PPP2R1A: variants seen among roughly 807,000 people sequenced by gnomAD.
The protein encoded by PPP2R1A is serine/threonine-protein phosphatase 2A 65 kDa regulatory subunit A alpha isoform.
PPP2R1A carries 15 observed loss-of-function variants against 67.1 expected under a neutral mutation model. That is an observed-to-expected ratio of 0.22 (90% confidence interval 0.15 to 0.34). PPP2R1A has a LOEUF of 0.34. Among genes scored for constraint, PPP2R1A ranks in the 10% least tolerant of loss-of-function variants. PPP2R1A has a pLI of 1.00. For synonymous variants in PPP2R1A, 337 were observed against 325.0 expected, an observed-to-expected ratio of 1.04 and a Z score of -0.40; for missense variants, 369 against 775.0, an observed-to-expected ratio of 0.48 and a Z score of 6.22.
At chr19:52,210,966 A>G (rs757915187) in intron 3 of PPP2R1A, among the ~76,000 whole-genome samples, 1 of 152,144 alleles carries the variant, frequency 6.6e-6, no homozygotes, top group Non-Finnish European at 1.5e-5. Context: ...TCAGAAAGCA[A>G]CGTGTGTAAT....
intron 1 of PPP2R1A, among the ~76,000 whole-genome samples, chr19:52,196,215 G>A (rs777872736): frequency 2.0e-5 from 3 of 152,182 alleles, no homozygotes; most frequent in Non-Finnish European, 4.4e-5. Flanking sequence ...GATATGACAT[G>A]ATCAATGGCC....
intron 13 of PPP2R1A, among the ~76,000 whole-genome samples, chr19:52,225,048 G>A (rs549726336): frequency 4.3e-5 from 5 of 116,982 alleles, no homozygotes; most frequent in East Asian, 4.8e-4. Context: ...ACGGAGTTTC[G>A]CTCTTGTTGC....
intron 3 of PPP2R1A, among the ~76,000 whole-genome samples, chr19:52,206,988 G>A (rs1040528056): frequency 6.6e-6 from 1 of 152,184 alleles, no homozygotes; most frequent in Non-Finnish European, 1.5e-5. Context: ...AAAGAATGGT[G>A]CTTATCATTG....
In PPP2R1A at chr19:52,216,622, G is replaced by A. The variant is rs751218909; in HGVS notation, c.1087G>A (p.Glu363Lys). The A allele has an allele frequency of 1.2e-6, 2 of 1,614,124 alleles. No homozygotes were observed. Among genetic ancestry groups the A allele is most frequent in the Non-Finnish European group, 1.7e-6 (2 of 1,180,034 alleles). ...CATCTTGGGCAAAGACAACACCATC[G>A]AGCACCTCTTGCCCCTCTTCCTGGC... ...SPILGKDNTI[E>K]HLLPLFLAQL... The change falls in exon 9 of 15, where the codon GAG becomes AAG. Residue 363 changes from glutamate to lysine, a missense_variant. Glu to Lys is a moderately conservative substitution (Grantham distance 56). Transcript: ENST00000322088. This position sits in a 1 kb window ranked among gnomAD's most constrained non-coding sequence, Gnocchi z 4.3.
At chr19:52,217,186 T>C (rs746466943) in intron 9 of PPP2R1A, among the ~76,000 whole-genome samples, 1 of 151,828 alleles carries the variant, frequency 6.6e-6, no homozygotes, top group Non-Finnish European at 1.5e-5. Context: ...CAAGACTCTG[T>C]CTCAAAAAAA....
chr19:52,209,121 A>G (rs1334915161), intron 3 of PPP2R1A, among the ~76,000 whole-genome samples: 1 of 152,206 alleles, frequency 6.6e-6, no homozygotes, highest in Non-Finnish European at 1.5e-5. Context: ...TCATCCTTTG[A>G]GAACTACTTC....
At chr19:52,217,018 C>T (rs185871607) in intron 9 of PPP2R1A, among the ~76,000 whole-genome samples, 13 of 152,180 alleles carry the variant, frequency 8.5e-5, no homozygotes, top group Middle Eastern at 3.4e-3. Flanking sequence ...GATGAAACCT[C>T]GTGTCTGCTA....
intron 1 of PPP2R1A, among the ~76,000 whole-genome samples, chr19:52,190,733 C>A (rs1156752733): frequency 1.3e-5 from 2 of 152,190 alleles, no homozygotes; most frequent in Admixed American, 6.5e-5. Flanking sequence ...AACACCCCCC[C>A]ACCAAAGGTG....
intron 13 of PPP2R1A, 119 bp from the exon 14 acceptor site, chr19:52,225,597 AC>A: frequency 2.5e-6 from 2 of 814,646 alleles, no homozygotes; most frequent in East Asian, 5.0e-5. Flanking sequence ...GACTCCTCCC[AC>A]CTTGGGTTTG....
rs767340233 is a variant in PPP2R1A, at chr19:52,211,427, G to C, written c.438G>C (p.Ser146=). 2 of 1,613,540 alleles carry C rather than the reference G, an allele frequency of 1.2e-6. No individual in the cohort carries two copies. The highest frequency in any genetic ancestry group is 1.7e-6 in the Non-Finnish European group (2 of 1,180,022). ...GCGACTGGTTCACCTCCCGCACCTCGGCCTGCGGCCTCTTCTCCGTCTGCT... is the reference window on the plus strand; with the variant it reads ...GCGACTGGTTCACCTCCCGCACCTCCGCCTGCGGCCTCTTCTCCGTCTGCT... ...AGGDWFTSRT[S]ACGLFSVCYP... is the part of the protein sequence containing the mutation. The change falls in exon 4 of 15, where the codon TCG becomes TCC. Residue 146 remains serine, a synonymous_variant. Coordinates refer to ENST00000322088, the MANE Select transcript of PPP2R1A (RefSeq NM_014225.6). The surrounding 1 kb of genome is among the most constrained non-coding windows in gnomAD (Gnocchi z 5.3).
rs113187176 is a variant in PPP2R1A, at chr19:52,198,920, T to C, written c.79-3024T>C. On this transcript the variant is annotated intron_variant, in intron 1 of 14. Transcript: ENST00000322088. ...ATCACTTGGATTGCTGCCAAGCACG[T>C]AGCAAACAATAAATGTTTGTTGCTA... is the stretch of plus-strand genomic sequence containing the variant. Among the ~76,000 whole-genome samples, 238 of 152,358 alleles carry C rather than the reference T, an allele frequency of 1.6e-3. 1 individual carries two copies. Among genetic ancestry groups the C allele is most frequent in the African/African-American group, 5.6e-3 (231 of 41,590 alleles).
In PPP2R1A at chr19:52,220,185, G is replaced by A. The variant is rs771892454; in HGVS notation, c.1303-4G>A. 7 of 1,613,850 alleles carry A rather than the reference G, an allele frequency of 4.3e-6. No individual in the cohort carries two copies. The highest frequency in any genetic ancestry group is 1.6e-4 in the Middle Eastern group (1 of 6,082). ...TACCTTGGAACCCTTGGTTTCTCCTGTAGGGAGTGGAGTTCTTTGATGAGA... is the reference window on the plus strand; with the variant it reads ...TACCTTGGAACCCTTGGTTTCTCCTATAGGGAGTGGAGTTCTTTGATGAGA... On this transcript the variant is annotated splice_polypyrimidine_tract_variant and splice_region_variant and intron_variant, in intron 10 of 14. Coordinates refer to ENST00000322088, the MANE Select transcript of PPP2R1A (RefSeq NM_014225.6).
At position 52,211,618 on chromosome 19, in the gene PPP2R1A, C is replaced by A; in HGVS notation, c.503+126C>A. On this transcript the variant is annotated intron_variant, in intron 4 of 14. Coordinates refer to ENST00000322088, the MANE Select transcript of PPP2R1A (RefSeq NM_014225.6). This position sits in a 1 kb window ranked among gnomAD's most constrained non-coding sequence, Gnocchi z 5.3. Reference sequence around the variant, plus strand: ...TGAACTCTCTCCACTCCCACTCCTGCTTACCACCTGATAGGCCACATCCTC... The same window carrying A: ...TGAACTCTCTCCACTCCCACTCCTGATTACCACCTGATAGGCCACATCCTC... 2.1e-6 allele frequency: 2 copies of A among 947,564 alleles called. No individual in the cohort carries two copies. The highest frequency in any genetic ancestry group is 3.1e-6 in the Non-Finnish European group (2 of 643,474). The allele number at this position is 947,564 out of a possible 1,614,324, so 58.7% of individuals were successfully genotyped here. A position where few individuals can be genotyped will look rare whatever the true frequency, so the allele number is the denominator to read the frequency against.
chr19:52,213,086 C>T lies in PPP2R1A; in HGVS notation c.783C>T (p.Tyr261=), dbSNP rs2122338948. The change falls in exon 6 of 15, where the codon TAC becomes TAT. Residue 261 remains tyrosine, a synonymous_variant. Transcript: ENST00000322088. This position sits in a 1 kb window ranked among gnomAD's most constrained non-coding sequence, Gnocchi z 4.2. The part of the protein sequence containing the change: ...AAEDKSWRVR[Y]MVADKFTELQ... ...AAGACAAGTCCTGGCGCGTCCGCTA[C>T]ATGGTGGCTGACAAGTTCACAGAGG... The T allele has an allele frequency of 6.3e-7, 1 of 1,586,272 alleles. No individual in the cohort carries two copies. The highest frequency in any genetic ancestry group is 1.3e-5 in the African/African-American group (1 of 74,198).
intron 3 of PPP2R1A, among the ~76,000 whole-genome samples, chr19:52,209,783 C>T (rs1161942045): frequency 6.6e-6 from 1 of 152,198 alleles, no homozygotes; most frequent in Non-Finnish European, 1.5e-5. Flanking sequence ...TAGCTAATTT[C>T]CCTTGGCATA....
At position 52,211,874 on chromosome 19, in the gene PPP2R1A, A is replaced by G. The variant is rs111753297; in HGVS notation, c.503+382A>G. Among the ~76,000 whole-genome samples the G allele has an allele frequency of 6.7e-3, 1,019 of 152,246 alleles. 13 individuals are homozygous for G. Among genetic ancestry groups the G allele is most frequent in the African/African-American group, 0.023 (969 of 41,542 alleles). On this transcript the variant is annotated intron_variant, in intron 4 of 14. Coordinates refer to ENST00000322088, the MANE Select transcript of PPP2R1A (RefSeq NM_014225.6). This position sits in a 1 kb window ranked among gnomAD's most constrained non-coding sequence, Gnocchi z 5.3. Reference sequence around the variant, plus strand: ...CAGGTCCAGTGCCTTTGGCAGATAAACCACCTCAGTTTTCAGCCTCCTGCT... The same window carrying G: ...CAGGTCCAGTGCCTTTGGCAGATAAGCCACCTCAGTTTTCAGCCTCCTGCT...
chr19:52,222,415 C>A, intron 13 of PPP2R1A, 174 bp downstream of exon 13: 1 of 959,714 alleles, frequency 1.0e-6, no homozygotes, highest in Non-Finnish European at 1.4e-6. Flanking sequence ...AAATGAACAT[C>A]ACAGCATGAA....
intron 1 of PPP2R1A, among the ~76,000 whole-genome samples, chr19:52,199,779 T>G (rs2089530041): frequency 6.6e-6 from 1 of 152,236 alleles, no homozygotes; most frequent in African/African-American, 2.4e-5. Context: ...ACACCCCAGG[T>G]CAGTGATTGT....
chr19:52,213,506 C>T lies in PPP2R1A; in HGVS notation c.807+396C>T, dbSNP rs1256359854. 1.5e-5 allele frequency among the ~76,000 whole-genome samples: 2 copies of T among 135,800 alleles called. No homozygotes were observed. The highest frequency in any genetic ancestry group is 5.6e-5 in the African/African-American group (2 of 35,736). The allele number at this position is 135,800 out of a possible 152,430, so 89.1% of individuals were successfully genotyped here. On this transcript the variant is annotated intron_variant, in intron 6 of 14. Transcript: ENST00000322088. The surrounding 1 kb of genome is among the most constrained non-coding windows in gnomAD (Gnocchi z 4.2). ...TTTTTTTAAGATGGAGTCTGTCGCC[C>T]AGGCTAGAGTCTTGTTACCCAGCTG...
Sources: allele counts gnomAD v4.1 joint callset (sites outside exome capture counted in the v4.1 genomes callset), GRCh38; gene constraint gnomAD v4.1.1; non-coding constraint Gnocchi (gnomAD v3.1); transcripts MANE v1.5; gene names NCBI Gene and HGNC (gene_info 2026-07-23, HGNC 2026-07-21).